Variants in MGAM observed in about 807,000 individuals in gnomAD.
MGAM encodes the protein alpha-1,4-glucosidase.
In MGAM, 253 loss-of-function variants were observed where a neutral mutation model predicts 358.8. The observed-to-expected ratio is 0.71, with a 90% CI of 0.64 to 0.78. The LOEUF (loss-of-function observed/expected upper bound fraction) is 0.78. Ranked by LOEUF, MGAM falls within the 30% of genes least tolerant of loss-of-function variation. The pLI is 0.00. For synonymous variants in MGAM, 1,105 were observed against 1,227.1 expected, an observed-to-expected ratio of 0.90 and a Z score of 2.08; for missense variants, 3,080 against 3,432.6, an observed-to-expected ratio of 0.90 and a Z score of 2.57.
rs117329344 is a variant in MGAM at position 141,990,212 on chromosome 7, C to T, written c.-2-15317C>T. Among the ~76,000 whole-genome samples the T allele has an allele frequency of 8.4e-3, 1,281 of 152,290 alleles. 7 individuals carry two copies. The highest frequency in any genetic ancestry group is 0.028 in the South Asian group (134 of 4,822). ...GCTTGGGAAAGGGGAAATGTCAGAA[C>T]GACAATTACAACACACATAGAATGC... is the stretch of plus-strand genomic sequence containing the variant. On this transcript the variant is annotated intron_variant, in intron 2 of 5. Transcript: ENST00000465654.
upstream of MGAM, among the ~76,000 whole-genome samples, chr7:141,992,555 G>A (rs530010536): frequency 2.0e-4 from 31 of 152,254 alleles, no homozygotes; most frequent in African/African-American, 7.2e-4. Flanking sequence ...GAACATCAGT[G>A]AGATCATGTA....
At position 142,087,718 on chromosome 7, in the gene MGAM, G is replaced by C. The variant is rs1285865548; in HGVS notation, c.6810+1001G>C. Among the ~76,000 whole-genome samples the C allele has an allele frequency of 2.0e-5, 3 of 146,600 alleles. 1 individual carries two copies. In the East Asian group the frequency reaches 6.0e-4, roughly 29 times the overall value. On this transcript the variant is annotated intron_variant, in intron 57 of 70. Coordinates refer to ENST00000475668, the MANE Select transcript of MGAM (RefSeq NM_001365693.1). ...CAGGAATTGAAGGGACAAAGAAGCT[G>C]ACTTGTGCAGTCAGCAATGCGGTAT...
intron 21 of MGAM, among the ~76,000 whole-genome samples, chr7:142,043,882 G>C (rs566306040): frequency 8.8e-6 from 1 of 113,974 alleles, no homozygotes; most frequent in Non-Finnish European, 1.8e-5. Context: ...CACATACGAC[G>C]TATAATATAT....
Position 142,027,662 on chromosome 7 carries a change from G to T in MGAM, c.1148G>T (p.Ser383Ile), listed in dbSNP as rs374006036. The part of the protein sequence containing the change: ...PSYWALGFHL[S>I]RYEYGTLDNM... ...TACTGGGCGCTTGGATTTCACCTCA[G>T]TCGTTACGAATATGGAACCTTAGAC... The change falls in exon 10 of 71, where the codon AGT becomes ATT. Residue 383 changes from serine (S) to isoleucine (I), a missense_variant. Coordinates refer to ENST00000475668, the MANE Select transcript of MGAM (RefSeq NM_001365693.1). 1.2e-6 allele frequency: 2 copies of T among 1,613,628 alleles called. No individual in the cohort carries two copies. The highest frequency in any genetic ancestry group is 2.7e-5 in the African/African-American group (2 of 74,938).
At chr7:142,047,658 C>A in intron 21 of MGAM, 127 bp from the exon 22 acceptor site, 1 of 842,256 alleles carries the variant, frequency 1.2e-6, no homozygotes, top group Non-Finnish European at 1.9e-6. Flanking sequence ...GTGTTTGTGC[C>A]TGAAGAAAAG....
chr7:142,004,408 A>C (rs1804982324), intron 1 of MGAM: 1 of 152,020 alleles, frequency 6.6e-6, no homozygotes, highest in Non-Finnish European at 1.5e-5. Flanking sequence ...ATAGACCTGG[A>C]GGCTATTTTT....
chr7:142,017,315 G>C (rs1554456575), intron 3 of MGAM, among the ~76,000 whole-genome samples: 1 of 152,004 alleles, frequency 6.6e-6, no homozygotes, highest in East Asian at 1.9e-4. Flanking sequence ...TTCTTTTTGT[G>C]TGCCCTAATT....
chr7:142,017,573 T>C (rs775450307), intron 3 of MGAM, among the ~76,000 whole-genome samples: 2 of 152,192 alleles, frequency 1.3e-5, no homozygotes, highest in Non-Finnish European at 2.9e-5. Flanking sequence ...CTCTGGGCTG[T>C]ATACAAAAAC....
At chr7:142,069,116 C>A (rs1259591323) in intron 43 of MGAM, among the ~76,000 whole-genome samples, 1 of 146,094 alleles carries the variant, frequency 6.8e-6, no homozygotes, top group African/African-American at 2.4e-5. Context: ...GCCGTTTTGT[C>A]TCTTTTGATT....
At position 142,105,277 on chromosome 7, in the gene MGAM, C is replaced by A. The variant is rs550555585; in HGVS notation, c.8185-537C>A. Reference sequence around the variant, plus strand: ...AGTTTGTGCAGTTGTTTCTCTTCAGCGGTTGCATATTGAACATTTTTTTTT... The same window carrying A: ...AGTTTGTGCAGTTGTTTCTCTTCAGAGGTTGCATATTGAACATTTTTTTTT... On this transcript the variant is annotated intron_variant, in intron 70 of 70. Transcript: ENST00000475668. Among the ~76,000 whole-genome samples the A allele has an allele frequency of 4.7e-5, 7 of 148,242 alleles. No homozygotes were observed. In the South Asian group the frequency reaches 1.3e-3, roughly 28 times the overall value.
At position 142,019,321 on chromosome 7, in the gene MGAM, T is replaced by C; in HGVS notation, c.448+2T>C. On this transcript the variant is annotated splice_donor_variant, in intron 4 of 70. Coordinates refer to ENST00000475668, the MANE Select transcript of MGAM (RefSeq NM_001365693.1). LOFTEE classifies it high-confidence loss of function. ...GCAACCTTGTCAACACAAATGCAGG[T>C]AAGCCAGAGTCTGCCATGATGCAGG... 1 of 1,612,034 alleles carries C rather than the reference T, an allele frequency of 6.2e-7. No individual in the cohort carries two copies.
rs148825156 is a variant in MGAM at position 141,987,734 on chromosome 7, G to T, written c.-2-17795G>T. ...GGATTCCCGTTTGGGAGACTTGGTG[G>T]CAAATCCACTTTGAATTTGTTGAAT... is the stretch of plus-strand genomic sequence containing the variant. On this transcript the variant is annotated intron_variant, in intron 2 of 5. Coordinates refer to the MGAM transcript ENST00000465654. 2.1e-3 allele frequency among the ~76,000 whole-genome samples: 327 copies of T among 152,236 alleles called. 6 individuals are homozygous for T. In the East Asian group the frequency reaches 0.047, roughly 22 times the overall value.
chr7:142,029,474 A>G (rs574291733), intron 10 of MGAM, among the ~76,000 whole-genome samples: 2 of 152,294 alleles, frequency 1.3e-5, no homozygotes, highest in Admixed American at 1.3e-4. Flanking sequence ...CTCTTTTTTT[A>G]TGCCATTTTC....
At chr7:142,101,121 G>A (rs1816404506) in intron 68 of MGAM, among the ~76,000 whole-genome samples, 1 of 152,194 alleles carries the variant, frequency 6.6e-6, no homozygotes, top group African/African-American at 2.4e-5. Flanking sequence ...CACTATAGAA[G>A]GTAGCAATAT....
chr7:142,015,025 C>T (rs1054677335), intron 3 of MGAM, among the ~76,000 whole-genome samples: 7 of 152,064 alleles, frequency 4.6e-5, no homozygotes, highest in South Asian at 2.1e-4. Flanking sequence ...GTGGCTGTGC[C>T]GATTTACCAT....
chr7:142,057,718 C>G (rs1430964738), intron 30 of MGAM, among the ~76,000 whole-genome samples: 1 of 152,036 alleles, frequency 6.6e-6, no homozygotes, highest in African/African-American at 2.4e-5. Context: ...CACTTACATA[C>G]TACCAAGTGC....
At chr7:142,030,799 T>A (rs782231194) in intron 12 of MGAM, 42 bp downstream of exon 12, 2 of 1,292,360 alleles carry the variant, frequency 1.5e-6, no homozygotes, top group African/African-American at 3.1e-5. Flanking sequence ...AGGGGCTGCA[T>A]AGGGGTGTTT....
Position 142,086,200 on chromosome 7 carries a change from C to T in MGAM, c.6637-18C>T. 6.6e-7 allele frequency: 1 copy of T among 1,515,176 alleles called. No individual in the cohort carries two copies. Among genetic ancestry groups the T allele is most frequent in the Non-Finnish European group, 9.0e-7 (1 of 1,107,742 alleles). The allele number at this position is 1,515,176 out of a possible 1,614,324, so 93.9% of individuals were successfully genotyped here. A position where few individuals can be genotyped will look rare whatever the true frequency, so the allele number is the denominator to read the frequency against. On this transcript the variant is annotated intron_variant, in intron 55 of 70. Transcript: ENST00000475668. ...TGTGGCTTTGATTTTTCCCAACTGA[C>T]TTATGCTTTGATTTCAGGATCCAGC...
rs117861223 is a variant in MGAM, at chr7:142,011,800, G to A, written c.327+3095G>A. On this transcript the variant is annotated intron_variant, in intron 3 of 70. Coordinates refer to ENST00000475668, the MANE Select transcript of MGAM (RefSeq NM_001365693.1). Reference sequence around the variant, plus strand: ...TGAATATTCACCACAGTCTGATTTGGGGGACTAGAAAGACTGGATTATGGG... The same window carrying A: ...TGAATATTCACCACAGTCTGATTTGAGGGACTAGAAAGACTGGATTATGGG... Among the ~76,000 whole-genome samples the A allele has an allele frequency of 6.3e-3, 955 of 152,210 alleles. 9 individuals are homozygous for A. The highest frequency in any genetic ancestry group is 0.014 in the Middle Eastern group (4 of 294).
Sources: allele counts gnomAD v4.1 joint callset (sites outside exome capture counted in the v4.1 genomes callset), GRCh38; gene constraint gnomAD v4.1.1; transcripts MANE v1.5; gene names NCBI Gene and HGNC (gene_info 2026-07-23, HGNC 2026-07-21).